The following ATG10 variants were observed in gnomAD, a reference collection of about 807,000 sequenced individuals.
ATG10 encodes the protein autophagy related 10, also known as ubiquitin-like-conjugating enzyme ATG10.
ATG10 carries 30 observed loss-of-function variants against 32.1 expected under a neutral mutation model. The ratio of observed to expected loss-of-function variants is 0.94; its 90% CI spans 0.70 to 1.27. ATG10 has a LOEUF of 1.27. Among genes scored for constraint, ATG10 ranks in the 50% most tolerant of loss-of-function variants. The pLI is 0.00. For missense variants in ATG10, 233 were observed against 262.3 expected, an observed-to-expected ratio of 0.89 and a Z score of 0.77; for synonymous variants, 87 against 91.5, an observed-to-expected ratio of 0.95 and a Z score of 0.28.
intron 1 of ATG10, among the ~76,000 whole-genome samples, chr5:81,972,906 A>G (rs922470149): frequency 1.3e-5 from 2 of 152,198 alleles, no homozygotes; most frequent in African/African-American, 4.8e-5. Context: ...AAAGGACAGC[A>G]TGTTTTTTTC....
intron 3 of ATG10, among the ~76,000 whole-genome samples, chr5:82,151,855 C>A (rs1373613858): frequency 6.6e-6 from 1 of 152,016 alleles, no homozygotes; most frequent in Non-Finnish European, 1.5e-5. Flanking sequence ...CCTCTTACAG[C>A]TAGAGAAGGG....
intron 1 of ATG10, among the ~76,000 whole-genome samples, chr5:81,978,748 A>C (rs1760942445): frequency 6.6e-6 from 1 of 151,952 alleles, no homozygotes; most frequent in Non-Finnish European, 1.5e-5. Context: ...GCAACCTTGA[A>C]TTCCTAGCCT....
chr5:81,993,359 C>CTTTCTTTCTTTCCTTCTTTCTTT (rs756251958), intron 2 of ATG10, among the ~76,000 whole-genome samples: 2 of 55,440 alleles, frequency 3.6e-5, no homozygotes, highest in African/African-American at 1.3e-4. Context: ...TTCTTTCTTT[C>CTTTCTTTCTTTCCTTCTTTCTTT]CTTCTTTTCT....
chr5:82,103,905 T>C (rs116011828), intron 3 of ATG10, among the ~76,000 whole-genome samples: 310 of 152,292 alleles, frequency 2.0e-3, no homozygotes, highest in African/African-American at 6.8e-3. Flanking sequence ...ATTGACTTGT[T>C]ACACTACAAT....
At chr5:82,031,810 G>A (rs980740372) in intron 2 of ATG10, among the ~76,000 whole-genome samples, 1 of 152,232 alleles carries the variant, frequency 6.6e-6, no homozygotes, top group Non-Finnish European at 1.5e-5. Context: ...GATGATACCT[G>A]TTGTTTCTCC....
chr5:82,211,131 G>C (rs1045935151), intron 5 of ATG10, among the ~76,000 whole-genome samples: 11 of 152,250 alleles, frequency 7.2e-5, no homozygotes, highest in African/African-American at 2.6e-4. Flanking sequence ...CAGCACGATA[G>C]CTCCCAGTTG....
intron 3 of ATG10, among the ~76,000 whole-genome samples, chr5:82,084,636 G>T (rs781540821): frequency 1.3e-5 from 2 of 152,116 alleles, no homozygotes; most frequent in Non-Finnish European, 2.9e-5. Context: ...CGGATCTCTC[G>T]GCAGAAACTC....
At chr5:82,228,992 T>A (rs1320005112) in intron 5 of ATG10, among the ~76,000 whole-genome samples, 1 of 152,222 alleles carries the variant, frequency 6.6e-6, no homozygotes, top group African/African-American at 2.4e-5. Context: ...CGATTTGACT[T>A]GTGTGGACTA....
intron 5 of ATG10, among the ~76,000 whole-genome samples, chr5:82,206,696 A>T (rs1043656078): frequency 2.6e-5 from 4 of 152,128 alleles, no homozygotes; most frequent in African/African-American, 9.7e-5. Flanking sequence ...TAAGAAGTAT[A>T]CAGATCCTTA....
intron 3 of ATG10, among the ~76,000 whole-genome samples, chr5:82,105,324 A>G (rs1378355276): frequency 6.6e-6 from 1 of 152,008 alleles, no homozygotes; most frequent in Non-Finnish European, 1.5e-5. Flanking sequence ...ACACTTCAAA[A>G]TGTCTTTTTA....
intron 3 of ATG10, among the ~76,000 whole-genome samples, chr5:82,079,195 C>G (rs1219156139): frequency 6.6e-6 from 1 of 152,100 alleles, no homozygotes; most frequent in Non-Finnish European, 1.5e-5. Context: ...AGTCCATTTT[C>G]ATGCTGCTGA....
intron 2 of ATG10, among the ~76,000 whole-genome samples, chr5:82,020,750 A>G (rs1160573320): frequency 6.6e-6 from 1 of 152,154 alleles, no homozygotes; most frequent in African/African-American, 2.4e-5. Flanking sequence ...ATACTCAAGT[A>G]CTTTTTTAGA....
chr5:82,131,962 G>C (rs1766556293), intron 3 of ATG10, among the ~76,000 whole-genome samples: 1 of 152,002 alleles, frequency 6.6e-6, no homozygotes, highest in African/African-American at 2.4e-5. Context: ...GAATAAGAGA[G>C]AGAGAGAAAG....
intron 3 of ATG10, among the ~76,000 whole-genome samples, chr5:82,074,500 A>G (rs929799123): frequency 1.3e-5 from 2 of 151,882 alleles, no homozygotes; most frequent in Non-Finnish European, 2.9e-5. Flanking sequence ...TGGTTTTGTT[A>G]CTATCTGTGC....
chr5:82,245,395 T>C (rs1052883019), intron 5 of ATG10, among the ~76,000 whole-genome samples: 1 of 152,234 alleles, frequency 6.6e-6, no homozygotes, highest in Non-Finnish European at 1.5e-5. Context: ...CTCAAATTAC[T>C]TGTAAATTCT....
chr5:82,175,181 T>G (rs1160512183), intron 4 of ATG10, among the ~76,000 whole-genome samples: 1 of 152,154 alleles, frequency 6.6e-6, no homozygotes, highest in Non-Finnish European at 1.5e-5. Flanking sequence ...TTTAGAAAGT[T>G]GGGGTGAGAA....
rs188890258 is a variant in ATG10 at position 81,989,894 on chromosome 5, T to C, written c.108+2216T>C. ...CGTGAGCCACTGTGCCAAGCCTGTT[T>C]CAATTTTTATTCATCTTATTTTTTC... is the stretch of plus-strand genomic sequence containing the variant. On this transcript the variant is annotated intron_variant, in intron 2 of 7. Transcript: ENST00000282185. Among the ~76,000 whole-genome samples the C allele has an allele frequency of 7.5e-4, 114 of 152,292 alleles. 3 individuals carry two copies. The East Asian group carries it at 0.02, about 27-fold the overall frequency.
At position 82,051,264 on chromosome 5, in the gene ATG10, GC is replaced by G. The variant is rs59325757; in HGVS notation, c.109-7230del. 7.6e-3 allele frequency among the ~76,000 whole-genome samples: 1,156 copies of G among 152,220 alleles called. 12 individuals are homozygous for G. The highest frequency in any genetic ancestry group is 0.027 in the African/African-American group (1,102 of 41,536). ...TCGAGGGGGTGCTAGCCTCTATTGG[GC>G]TGAATGCATCCAGAAGGCTTAATTC... is the stretch of plus-strand genomic sequence containing the variant. On this transcript the variant is annotated intron_variant, in intron 2 of 7. Transcript: ENST00000282185.
At chr5:82,222,062 G>A (rs1427229063) in intron 5 of ATG10, among the ~76,000 whole-genome samples, 2 of 152,218 alleles carry the variant, frequency 1.3e-5, no homozygotes, top group African/African-American at 4.8e-5. Flanking sequence ...TAGAGAAAAT[G>A]TCTGATGGTT....
Sources: gnomAD v4.1 joint callset for allele counts (sites outside exome capture counted in the v4.1 genomes callset) on GRCh38, gnomAD v4.1.1 for gene constraint, MANE v1.5 for transcripts, NCBI Gene and HGNC (gene_info 2026-07-23, HGNC 2026-07-21) for gene names.